The following HIF3A variants were observed in gnomAD, a reference collection of about 807,000 sequenced individuals.
HIF3A encodes hypoxia-inducible factor 3-alpha.
A neutral mutation model predicts 67.2 loss-of-function variants in HIF3A; 41 were observed. The observed-to-expected ratio is 0.61, with a 90% CI of 0.48 to 0.79. HIF3A has a LOEUF of 0.79. Among genes scored for constraint, HIF3A ranks in the 30% least tolerant of loss-of-function variants. The probability of loss-of-function intolerance (pLI) is 0.00; values close to 1 mark genes in which losing one functional copy is unlikely to be tolerated. For missense variants in HIF3A, 855 were observed against 898.0 expected (o/e 0.95, Z 0.61); for synonymous variants, 356 against 374.8 (o/e 0.95, Z 0.58).
At position 46,309,255 on chromosome 19, in the gene HIF3A, C is replaced by A. The variant is rs1016364816; in HGVS notation, c.666C>A (p.Ile222=). 6 of 1,613,862 alleles carry A rather than the reference C, an allele frequency of 3.7e-6. No individual in the cohort carries two copies. The highest frequency in any genetic ancestry group is 5.1e-6 in the Non-Finnish European group (6 of 1,179,938). The change falls in exon 6 of 15, where the codon ATC becomes ATA. Residue 222 remains isoleucine, a synonymous_variant. Coordinates refer to ENST00000377670, the MANE Select transcript of HIF3A (RefSeq NM_152795.4). Reference sequence around the variant, plus strand: ...CCCCGCTGCAGTGCCTGGTGCTCATCTGCGAAGCCATCCCCCACCCAGGCA... The same window carrying A: ...CCCCGCTGCAGTGCCTGGTGCTCATATGCGAAGCCATCCCCCACCCAGGCA... The part of the protein sequence containing the change: ...SEPPLQCLVL[I]CEAIPHPGSL...
At chr19:46,302,801 G>A (rs1010960381) in intron 1 of HIF3A, among the ~76,000 whole-genome samples, 4 of 152,060 alleles carry the variant, frequency 2.6e-5, no homozygotes, top group African/African-American at 7.2e-5. Flanking sequence ...TTTAGCCTAG[G>A]ATACTGAGTC....
intron 8 of HIF3A, chr19:46,313,362 C>T (rs1369341832): frequency 2.1e-6 from 2 of 973,094 alleles, no homozygotes; most frequent in Non-Finnish European, 2.4e-6. Flanking sequence ...TGGCTCACAC[C>T]TGTAAATCCC....
rs1969210031 is a variant in HIF3A, at chr19:46,309,273, C to A, written c.684C>A (p.His228Gln). 1.9e-6 allele frequency: 3 copies of A among 1,613,798 alleles called. No individual in the cohort carries two copies. The South Asian group carries it at 3.3e-5, about 18-fold the overall frequency. ...CLVLICEAIP[H>Q]PGSLEPPLGR... ...TGCTCATCTGCGAAGCCATCCCCCA[C>A]CCAGGCAGCCTGGAGCCCCCACTGG... The change falls in exon 6 of 15, where the codon CAC becomes CAA. Residue 228 changes from histidine (H) to glutamine (Q), a missense_variant. By Grantham distance (24) the His-to-Gln change is conservative. Transcript: ENST00000377670.
intron 9 of HIF3A, 64 bp downstream of exon 9, chr19:46,320,625 C>T: frequency 7.9e-7 from 1 of 1,273,758 alleles, no homozygotes; most frequent in African/African-American, 1.5e-5. Flanking sequence ...AAAGCCCAAG[C>T]ACCTTAACAT....
intron 1 of HIF3A, chr19:46,303,554 G>T: frequency 1.4e-6 from 2 of 1,459,408 alleles, no homozygotes; most frequent in Non-Finnish European, 1.8e-6. Context: ...CCCAGCAGGG[G>T]CCCTCCCTGT....
intron 10 of HIF3A, among the ~76,000 whole-genome samples, chr19:46,324,890 T>TTA (rs548474180): frequency 0.055 from 7,473 of 136,968 alleles, 479 homozygotes; most frequent in African/African-American, 0.16. Context: ...ATGTTTTTAT[T>TTA]TATATATATA....
intron 10 of HIF3A, among the ~76,000 whole-genome samples, chr19:46,323,430 G>A (rs1970533470): frequency 6.6e-6 from 1 of 152,122 alleles, no homozygotes; most frequent in South Asian, 2.1e-4. Context: ...AACGAGGGCA[G>A]AAGAAGGCTG....
At chr19:46,302,123 T>C (rs1440521510) in intron 1 of HIF3A, among the ~76,000 whole-genome samples, 3 of 152,156 alleles carry the variant, frequency 2.0e-5, no homozygotes, top group Admixed American at 1.3e-4. Flanking sequence ...TTTTGTCTTT[T>C]TTTTGTTTTT....
At position 46,321,815 on chromosome 19, in the gene HIF3A, C is replaced by A. The variant is rs1166345545; in HGVS notation, c.1184C>A (p.Pro395His). ...GPRILAFLHP[P>H]SLSEAALAAD... is the part of the protein sequence containing the mutation. ...CGGATCCTTGCCTTCCTGCACCCGC[C>A]TTCCCTGAGCGAGGCTGCCCTGGCC... Residue 395 changes from proline to histidine, a missense_variant, in exon 10 of 15, where the codon CCT becomes CAT. By Grantham distance (77) the Pro-to-His change is moderately conservative. This residue lies in a region of HIF3A where 638 missense variants were observed against 660.5 expected (regional missense o/e 0.97). Transcript: ENST00000377670. 6.2e-7 allele frequency: 1 copy of A among 1,613,936 alleles called. No individual in the cohort carries two copies. The highest frequency in any genetic ancestry group is 8.5e-7 in the Non-Finnish European group (1 of 1,180,004).
intron 9 of HIF3A, among the ~76,000 whole-genome samples, 162 bp downstream of exon 9, chr19:46,320,723 G>T (rs1267515069): frequency 6.6e-6 from 1 of 152,132 alleles, no homozygotes; most frequent in Non-Finnish European, 1.5e-5. Context: ...AGAGCCCTTG[G>T]AACACTCCAG....
chr19:46,334,372 G>C (rs144294852), intron 13 of HIF3A, among the ~76,000 whole-genome samples: 2 of 151,978 alleles, frequency 1.3e-5, no homozygotes, highest in African/African-American at 2.4e-5. Context: ...GATTACAGGC[G>C]TGAGCCGCCA....
chr19:46,318,195 C>T (rs1568523995), intron 8 of HIF3A, among the ~76,000 whole-genome samples: 2 of 135,628 alleles, frequency 1.5e-5, no homozygotes, highest in African/African-American at 5.2e-5. Context: ...ATGCCAGCCA[C>T]ATATGTCATT....
chr19:46,303,487 G>A, intron 1 of HIF3A: 1 of 719,356 alleles, frequency 1.4e-6, no homozygotes, highest in African/African-American at 1.8e-5. Flanking sequence ...GAGGCTGTAG[G>A]CCTCTCCTTC....
At chr19:46,329,541 C>G in intron 12 of HIF3A, 63 bp downstream of exon 12, 2 of 1,431,864 alleles carry the variant, frequency 1.4e-6, no homozygotes. Context: ...GCCCCTGCCT[C>G]CTGCTTCAGC....
Position 46,314,032 on chromosome 19 carries a change from G to GTTTT in HIF3A, c.1025+1379_1025+1380insTTTT, listed in dbSNP as rs1286428567. Among the ~76,000 whole-genome samples the GTTTT allele has an allele frequency of 2.7e-3, 413 of 150,580 alleles. 3 individuals are homozygous for GTTTT. Among genetic ancestry groups the GTTTT allele is most frequent in the Middle Eastern group, 0.01 (3 of 292 alleles). ...TATTCCATGGTATGAATAGAGCACA[G>GTTTT]GTTTTTTTTTTATCCATTCACCAGT... On this transcript the variant is annotated intron_variant, in intron 8 of 14. Coordinates refer to ENST00000377670, the MANE Select transcript of HIF3A (RefSeq NM_152795.4).
chr19:46,298,194 C>T, intron 1 of HIF3A: 1 of 317,646 alleles, frequency 3.1e-6, no homozygotes, highest in Non-Finnish European at 6.3e-6. Context: ...CATGCACACC[C>T]CATGTTTCTA....
chr19:46,330,648 G>T (rs1165273523), intron 12 of HIF3A, among the ~76,000 whole-genome samples: 1 of 151,048 alleles, frequency 6.6e-6, no homozygotes, highest in Non-Finnish European at 1.5e-5. Flanking sequence ...GATGGTGGAT[G>T]GTTGGCAGAT....
At position 46,325,593 on chromosome 19, in the gene HIF3A, C is replaced by G. The variant is rs1279116434; in HGVS notation, c.1394C>G (p.Ser465Cys). ...GTENVHRLFTSGKDTEAVETD... is the reference protein window; with the variant it reads ...GTENVHRLFTCGKDTEAVETD... The stretch of plus-strand genomic sequence containing the variant: ...GAGAATGTGCACAGACTCTTCACCT[C>G]CGGGAAAGACACTGAGGCAGTGGAG... Residue 465 changes from serine (S) to cysteine (C), a missense_variant, in exon 11 of 15, where the codon TCC (serine) becomes TGC (cysteine). Physicochemically the swap from Ser to Cys is moderately radical, Grantham distance 112. This residue lies in a region of HIF3A where 638 missense variants were observed against 660.5 expected (regional missense o/e 0.97). Transcript: ENST00000377670. 1.2e-6 allele frequency: 2 copies of G among 1,613,386 alleles called. No homozygotes were observed. The highest frequency in any genetic ancestry group is 3.3e-5 in the Admixed American group (2 of 59,990).
At chr19:46,300,909 A>T (rs532202074) in intron 1 of HIF3A, among the ~76,000 whole-genome samples, 42 of 152,220 alleles carry the variant, frequency 2.8e-4, no homozygotes, top group African/African-American at 8.2e-4. Context: ...GCCCAGCCAC[A>T]GAGGATTACA....
Sources: allele counts gnomAD v4.1 joint callset (sites outside exome capture counted in the v4.1 genomes callset), GRCh38; gene constraint gnomAD v4.1.1; regional missense constraint gnomAD v4.1.1; transcripts MANE v1.5; gene names NCBI Gene and HGNC (gene_info 2026-07-23, HGNC 2026-07-21).